RNF128: variants seen among roughly 807,000 people sequenced by gnomAD.
The protein encoded by RNF128 is E3 ubiquitin-protein ligase RNF128.
A neutral mutation model predicts 26.2 loss-of-function variants in RNF128; 13 were observed. The observed-to-expected ratio is 0.50, with a 90% CI of 0.32 to 0.79. The LOEUF (loss-of-function observed/expected upper bound fraction) is 0.79. RNF128 is among the 30% of genes least tolerant of loss of function. The probability of loss-of-function intolerance (pLI) is 0.03; values close to 1 mark genes in which losing one functional copy is unlikely to be tolerated. For synonymous variants in RNF128, 149 were observed against 142.5 expected, an observed-to-expected ratio of 1.05 and a Z score of -0.32; for missense variants, 315 against 349.7, an observed-to-expected ratio of 0.90 and a Z score of 0.79.
chrX:106,741,237 G>A (rs941995174), intron 1 of RNF128, among the ~76,000 whole-genome samples: 42 of 111,501 alleles, frequency 3.8e-4, no homozygotes, highest in African/African-American at 1.3e-3. Context: ...AGAAATTTAA[G>A]GTTTTATAGA....
intron 2 of RNF128, among the ~76,000 whole-genome samples, chrX:106,784,213 A>T (rs751974108): frequency 8.9e-6 from 1 of 111,817 alleles, no homozygotes; most frequent in East Asian, 2.8e-4. Flanking sequence ...ATTGACAAAT[A>T]TCTTAACAAA....
Position 106,784,041 on chromosome X carries a change from A to G in RNF128, c.733-1024A>G, listed in dbSNP as rs760502509. 5.4e-5 allele frequency among the ~76,000 whole-genome samples: 6 copies of G among 111,518 alleles called. No individual in the cohort carries two copies. In the East Asian group the frequency reaches 1.7e-3, roughly 31 times the overall value. ...GGACAAATATTCACCATTTCAACAC[A>G]GCATCTACCAAGTGTCATACTTAGC... On this transcript the variant is annotated intron_variant, in intron 2 of 6. Transcript: ENST00000255499.
chrX:106,707,653 G>GT (rs910091665), intron 1 of RNF128, among the ~76,000 whole-genome samples: 2 of 110,664 alleles, frequency 1.8e-5, no homozygotes, highest in African/African-American at 3.3e-5. Context: ...GTGATGTGCG[G>GT]TTTTTTGTGT....
intron 5 of RNF128, among the ~76,000 whole-genome samples, chrX:106,790,837 C>T (rs1271388518): frequency 1.8e-5 from 2 of 109,800 alleles, no homozygotes; most frequent in Non-Finnish European, 3.8e-5. Context: ...AATGAACATA[C>T]CAGATGAGAG....
chrX:106,715,520 C>CTTTAACTCTTA (rs1929199181), intron 1 of RNF128, among the ~76,000 whole-genome samples: 2 of 111,560 alleles, frequency 1.8e-5, no homozygotes, highest in Non-Finnish European at 3.8e-5. Context: ...AAGACAGATG[C>CTTTAACTCTTA]CCTAACATTA....
At position 106,715,355 on chromosome X, in the gene RNF128, G is replaced by A. The variant is rs1304627992; in HGVS notation, c.406+20947G>A. On this transcript the variant is annotated intron_variant, in intron 1 of 6. Transcript: ENST00000324342. Reference sequence around the variant, plus strand: ...TTTCCATCTGTATTTCCTCTTTGGTGAAATGTTTATTCATGTCTTTTATAA... The same window carrying A: ...TTTCCATCTGTATTTCCTCTTTGGTAAAATGTTTATTCATGTCTTTTATAA... Among the ~76,000 whole-genome samples, 4 of 112,432 alleles carry A rather than the reference G, an allele frequency of 3.6e-5. No individual in the cohort carries two copies. The Admixed American group carries it at 3.8e-4, about 11-fold the overall frequency.
At chrX:106,702,917 C>G (rs1170830829) in intron 1 of RNF128, among the ~76,000 whole-genome samples, 1 of 111,593 alleles carries the variant, frequency 9.0e-6, no homozygotes, top group Non-Finnish European at 1.9e-5. Context: ...CACAAATATT[C>G]AACAGTATAG....
chrX:106,766,037 A>AG lies in RNF128; in HGVS notation c.485-6875dup, dbSNP rs1450878377. Among the ~76,000 whole-genome samples the AG allele has an allele frequency of 4.5e-5, 5 of 110,867 alleles. No individual in the cohort carries two copies. The East Asian group carries it at 1.4e-3, about 31-fold the overall frequency. Reference sequence around the variant, plus strand: ...TCTAGCTTCATCCATGTCCCTACAAAGACATGAACTCATCTTTTTATGGCT... The same window carrying AG: ...TCTAGCTTCATCCATGTCCCTACAAAGGACATGAACTCATCTTTTTATGGCT... On this transcript the variant is annotated intron_variant, in intron 1 of 6. Coordinates refer to ENST00000255499, the MANE Select transcript of RNF128 (RefSeq NM_194463.2).
chrX:106,734,574 A>G lies in RNF128; in HGVS notation c.484+7177A>G, dbSNP rs144706993. 3.8e-4 allele frequency among the ~76,000 whole-genome samples: 43 copies of G among 111,836 alleles called. No homozygotes were observed. The East Asian group carries it at 9.8e-3, about 25-fold the overall frequency. ...GTTTATTTGATAAGGCACCATAGGT[A>G]TTTCCTGGGAATAAATAATTTTTGT... On this transcript the variant is annotated intron_variant, in intron 1 of 6. Coordinates refer to ENST00000255499, the MANE Select transcript of RNF128 (RefSeq NM_194463.2).
At chrX:106,695,778 C>A (rs1481158439) in intron 1 of RNF128, among the ~76,000 whole-genome samples, 1 of 111,820 alleles carries the variant, frequency 8.9e-6, no homozygotes, top group Non-Finnish European at 1.9e-5. Flanking sequence ...ACTTAGAGAT[C>A]CTGAATACTC....
chrX:106,695,811 C>T (rs1322770499), intron 1 of RNF128, among the ~76,000 whole-genome samples: 1 of 111,922 alleles, frequency 8.9e-6, no homozygotes, highest in African/African-American at 3.2e-5. Context: ...TGCATGAACA[C>T]ATTCTACTTA....
chrX:106,790,137 A>T, intron 4 of RNF128, 49 bp from the exon 5 acceptor site: 1 of 791,787 alleles, frequency 1.3e-6, no homozygotes, highest in Non-Finnish European at 1.9e-6. Flanking sequence ...TATATTAGGT[A>T]AAGTGTTGCT....
chrX:106,698,713 A>G, intron 1 of RNF128, among the ~76,000 whole-genome samples: 1 of 111,465 alleles, frequency 9.0e-6, no homozygotes, highest in East Asian at 2.8e-4. Context: ...TCCAAGCCCA[A>G]TCTCCAGACT....
chrX:106,711,575 A>AT (rs1828299120), intron 1 of RNF128, among the ~76,000 whole-genome samples: 1 of 112,176 alleles, frequency 8.9e-6, no homozygotes, highest in South Asian at 3.7e-4. Context: ...ATGACACAGC[A>AT]TTTTTTTGTT....
At chrX:106,741,024 A>G (rs1281161840) in intron 1 of RNF128, among the ~76,000 whole-genome samples, 2 of 111,057 alleles carry the variant, frequency 1.8e-5, no homozygotes, top group African/African-American at 3.3e-5. Flanking sequence ...TCTAGAAAAC[A>G]TAAATAAATA....
chrX:106,729,170 CT>C (rs1375174857), intron 1 of RNF128, among the ~76,000 whole-genome samples: 1 of 111,402 alleles, frequency 9.0e-6, no homozygotes, highest in Non-Finnish European at 1.9e-5. Flanking sequence ...ATAAAATTAA[CT>C]TTTGCTTGGC....
chrX:106,766,337 T>G (rs976837627), intron 1 of RNF128, among the ~76,000 whole-genome samples: 8 of 111,843 alleles, frequency 7.2e-5, no homozygotes, highest in African/African-American at 9.8e-5. Flanking sequence ...CACCAACAGT[T>G]AAAGGAGTTC....
intron 1 of RNF128, among the ~76,000 whole-genome samples, chrX:106,751,511 G>C (rs1446948578): frequency 9.0e-6 from 1 of 110,607 alleles, no homozygotes; most frequent in African/African-American, 3.3e-5. Flanking sequence ...GCAATTTTGA[G>C]GCAAGTCCTG....
intron 1 of RNF128, among the ~76,000 whole-genome samples, chrX:106,767,128 A>T (rs753986803): frequency 9.0e-6 from 1 of 111,655 alleles, no homozygotes; most frequent in Non-Finnish European, 1.9e-5. Flanking sequence ...GCCTTGTAGT[A>T]TAGTTTGAAG....
Sources: gnomAD v4.1 joint callset for allele counts (sites outside exome capture counted in the v4.1 genomes callset) on GRCh38, gnomAD v4.1.1 for gene constraint, MANE v1.5 for transcripts, NCBI Gene and HGNC (gene_info 2026-07-23, HGNC 2026-07-21) for gene names.